NISCH: variants seen among roughly 807,000 people sequenced by gnomAD.
NISCH encodes the protein nischarin, also known as I-1 receptor candidate protein.
Under a neutral mutation model 138.4 loss-of-function variants are expected in NISCH, and 55 were observed. That is an observed-to-expected ratio of 0.40 (90% CI 0.32 to 0.50). The LOEUF (loss-of-function observed/expected upper bound fraction) is 0.50. Among genes scored for constraint, NISCH ranks in the 20% least tolerant of loss-of-function variants. NISCH has a pLI of 0.71. For synonymous variants in NISCH, 860 were observed against 861.5 expected (o/e 1.00, Z 0.03); for missense variants, 1,643 against 2,005.5 (o/e 0.82, Z 3.45).
In NISCH at chr3:52,489,328, G is replaced by A; in HGVS notation, c.3114-8G>A. 2 of 1,604,846 alleles carry A rather than the reference G, an allele frequency of 1.2e-6. No individual in the cohort carries two copies. Among genetic ancestry groups the A allele is most frequent in the South Asian group, 2.2e-5 (2 of 90,316 alleles). On this transcript the variant is annotated splice_region_variant and splice_polypyrimidine_tract_variant and intron_variant, in intron 16 of 20. Coordinates refer to ENST00000345716, the MANE Select transcript of NISCH (RefSeq NM_007184.4). ...CGCTGTTAATATGGTGTTTTTCGGG[G>A]GATACAGCAATGACCAGCGTCCCCA... is the stretch of plus-strand genomic sequence containing the variant.
Position 52,492,353 on chromosome 3 carries a change from C to T in NISCH, c.4386C>T (p.Ser1462=), listed in dbSNP as rs776096403. 6.2e-7 allele frequency: 1 copy of T among 1,613,410 alleles called. No individual in the cohort carries two copies. The highest frequency in any genetic ancestry group is 1.7e-5 in the Admixed American group (1 of 60,030). ...TGCCAGGTGGCCCGGCTAGAGCCAG[C>T]CAGGGCCGTGAAGTCCAGTGGCAGG... The part of the protein sequence containing the change: ...GEVPGGPARA[S]QGREVQWQVF... The change falls in exon 21 of 21, where the codon AGC becomes AGT. Residue 1462 remains serine (S), a synonymous_variant. Coordinates refer to ENST00000345716, the MANE Select transcript of NISCH (RefSeq NM_007184.4).
Position 52,490,799 on chromosome 3 carries a change from T to C in NISCH, c.3708T>C (p.Asn1236=), listed in dbSNP as rs146892996. 988 of 1,614,140 alleles carry C rather than the reference T, an allele frequency of 6.1e-4. 2 individuals are homozygous for C. The highest frequency in any genetic ancestry group is 7.6e-4 in the Non-Finnish European group (900 of 1,180,008). ...VLKLSDLQSV[N]VGLFDQHFRL... Reference sequence around the variant, plus strand: ...AGCTTAGTGACCTGCAGTCAGTCAATGTGGGGCTTTTCGACCAGCATTTCC... The same window carrying C: ...AGCTTAGTGACCTGCAGTCAGTCAACGTGGGGCTTTTCGACCAGCATTTCC... Residue 1236 remains asparagine (N), a synonymous_variant, in exon 19 of 21, where the codon AAT becomes AAC. Coordinates refer to ENST00000345716, the MANE Select transcript of NISCH (RefSeq NM_007184.4).
At chr3:52,476,253 G>C in intron 7 of NISCH, 194 bp from the exon 8 acceptor site, 2 of 617,670 alleles carry the variant, frequency 3.2e-6, no homozygotes, top group Non-Finnish European at 5.7e-6. Context: ...TGGCTGTTAT[G>C]TGGTAAATTG....
At chr3:52,458,617 C>G (rs762430446) in intron 2 of NISCH, 45 bp from the exon 3 acceptor site, 1 of 1,561,196 alleles carries the variant, frequency 6.4e-7, no homozygotes, top group South Asian at 1.2e-5. Flanking sequence ...TACATAGGCA[C>G]AGAGCCTCTT....
At chr3:52,469,627 T>C (rs1450727429) in intron 3 of NISCH, among the ~76,000 whole-genome samples, 1 of 152,110 alleles carries the variant, frequency 6.6e-6, no homozygotes, top group African/African-American at 2.4e-5. Flanking sequence ...AAAAATTAGT[T>C]GGTTGGCTAG....
intron 18 of NISCH, 25 bp from the exon 19 acceptor site, chr3:52,490,680 C>G (rs1267761568): frequency 1.2e-6 from 2 of 1,614,058 alleles, no homozygotes; most frequent in East Asian, 4.5e-5. Flanking sequence ...CACCGCCTCC[C>G]TCTGTCCCTT....
In NISCH at chr3:52,487,688, C is replaced by T. The variant is rs557056577; in HGVS notation, c.2196C>T (p.Thr732=). The T allele has an allele frequency of 8.7e-6, 14 of 1,613,722 alleles. No homozygotes were observed. Among genetic ancestry groups the T allele is most frequent in the East Asian group, 2.2e-5 (1 of 44,878 alleles). ...AGTTCGCCGCCTGCCTTGTGCTCAC[C>T]GACTTCGGCATCGCAGTCTTCGAGA... is the stretch of plus-strand genomic sequence containing the variant. ...IRQFAACLVL[T]DFGIAVFEIP... The change falls in exon 16 of 21, where the codon ACC becomes ACT. Residue 732 remains threonine, a synonymous_variant. Coordinates refer to ENST00000345716, the MANE Select transcript of NISCH (RefSeq NM_007184.4). The surrounding 1 kb of genome is among the most constrained non-coding windows in gnomAD (Gnocchi z 9.1).
chr3:52,474,752 C>G (rs1707053602), intron 7 of NISCH, among the ~76,000 whole-genome samples: 1 of 152,076 alleles, frequency 6.6e-6, no homozygotes, highest in Non-Finnish European at 1.5e-5. Flanking sequence ...TTTTAATGAA[C>G]AAATTGCTAA....
chr3:52,458,969 G>C, intron 3 of NISCH, 125 bp downstream of exon 3: 2 of 719,106 alleles, frequency 2.8e-6, no homozygotes, highest in Non-Finnish European at 4.5e-6. Flanking sequence ...AGAAGATGGA[G>C]GAACGTCACC....
Position 52,476,437 on chromosome 3 carries a change from T to C in NISCH, c.766-10T>C, listed in dbSNP as rs747455565. 4.3e-6 allele frequency: 7 copies of C among 1,613,862 alleles called. No homozygotes were observed. ...CGAGTGTGGTGCTCCACACAGATGTTTTTATGCAGGAAGTCCTTGTTCCTG... is the reference window on the plus strand; with the variant it reads ...CGAGTGTGGTGCTCCACACAGATGTCTTTATGCAGGAAGTCCTTGTTCCTG... On this transcript the variant is annotated splice_polypyrimidine_tract_variant and intron_variant, in intron 7 of 20. Transcript: ENST00000345716.
At chr3:52,478,939 G>A (rs1471404031) in intron 11 of NISCH, among the ~76,000 whole-genome samples, 1 of 152,178 alleles carries the variant, frequency 6.6e-6, no homozygotes, top group Non-Finnish European at 1.5e-5. Context: ...CGCGGTGTCT[G>A]TGCACCTGCC....
intron 3 of NISCH, among the ~76,000 whole-genome samples, chr3:52,466,661 C>T (rs927815505): frequency 1.3e-5 from 2 of 152,002 alleles, no homozygotes; most frequent in Non-Finnish European, 2.9e-5. Flanking sequence ...GTAATTCACT[C>T]GCTGGTTAGT....
intron 3 of NISCH, 46 bp from the exon 4 acceptor site, chr3:52,470,813 T>G: frequency 6.4e-7 from 1 of 1,562,060 alleles, no homozygotes; most frequent in South Asian, 1.1e-5. Context: ...CCCCAGGGAC[T>G]GGGGTCAGGT....
chr3:52,465,395 G>A (rs1466652491), intron 3 of NISCH, among the ~76,000 whole-genome samples: 3 of 152,156 alleles, frequency 2.0e-5, no homozygotes, highest in South Asian at 2.1e-4. Context: ...CTCCCAAAGC[G>A]CTCGGTTTAC....
intron 7 of NISCH, among the ~76,000 whole-genome samples, chr3:52,474,581 C>T (rs1220139924): frequency 1.3e-5 from 2 of 152,170 alleles, no homozygotes; most frequent in African/African-American, 4.8e-5. Context: ...CAGGCGTGAG[C>T]CACCGCGCCC....
At chr3:52,484,836 G>T (rs892575785) in intron 14 of NISCH, among the ~76,000 whole-genome samples, 199 bp downstream of exon 14, 1 of 151,906 alleles carries the variant, frequency 6.6e-6, no homozygotes, top group Non-Finnish European at 1.5e-5. Context: ...GTGGTTAAGG[G>T]TTTATTTTCA....
At chr3:52,485,393 T>G (rs527841017) in intron 14 of NISCH, among the ~76,000 whole-genome samples, 1 of 152,142 alleles carries the variant, frequency 6.6e-6, no homozygotes, top group Non-Finnish European at 1.5e-5. Context: ...ACAGAGACCA[T>G]TGGGAGGGAC....
chr3:52,483,139 G>A lies in NISCH; in HGVS notation c.1529-1374G>A, dbSNP rs544888684. Among the ~76,000 whole-genome samples the A allele has an allele frequency of 2.0e-5, 3 of 152,310 alleles. No homozygotes were observed. The South Asian group carries it at 6.2e-4, about 32-fold the overall frequency. ...GGCCCATCAGGGTGCTTCATGCATGGCTGTGTGCTTGCCATCCTTCCTGCC... is the reference window on the plus strand; with the variant it reads ...GGCCCATCAGGGTGCTTCATGCATGACTGTGTGCTTGCCATCCTTCCTGCC... On this transcript the variant is annotated intron_variant, in intron 13 of 20. Transcript: ENST00000345716.
At chr3:52,481,922 C>T in intron 13 of NISCH, 2 of 985,408 alleles carry the variant, frequency 2.0e-6, no homozygotes, top group Non-Finnish European at 2.4e-6. Flanking sequence ...TTGTGTGCAC[C>T]TCTCTTTCCT....
Sources: allele counts gnomAD v4.1 joint callset (sites outside exome capture counted in the v4.1 genomes callset), GRCh38; gene constraint gnomAD v4.1.1; non-coding constraint Gnocchi (gnomAD v3.1); transcripts MANE v1.5; gene names NCBI Gene and HGNC (gene_info 2026-07-23, HGNC 2026-07-21).